Variants in MICALL1 observed in about 807,000 individuals in gnomAD.
The protein encoded by MICALL1 is MICAL like 1.
Under a neutral mutation model 83.7 loss-of-function variants are expected in MICALL1, and 61 were observed. That is an observed-to-expected ratio of 0.73 (90% CI 0.59 to 0.90). MICALL1 has a LOEUF of 0.90. MICALL1 is among the 40% of genes least tolerant of loss of function. The pLI, the probability that MICALL1 is intolerant of heterozygous loss-of-function variation, is 0.00. For synonymous variants in MICALL1, 481 were observed against 473.6 expected, an observed-to-expected ratio of 1.02 and a Z score of -0.20; for missense variants, 1,066 against 1,152.0, an observed-to-expected ratio of 0.93 and a Z score of 1.08.
At chr22:37,928,149 G>T (rs891570933) in intron 9 of MICALL1, among the ~76,000 whole-genome samples, 6 of 148,042 alleles carry the variant, frequency 4.1e-5, no homozygotes, top group African/African-American at 1.5e-4. Flanking sequence ...CTCGTGATCC[G>T]CCTGCCTCAG....
intron 3 of MICALL1, among the ~76,000 whole-genome samples, chr22:37,916,512 G>A (rs1025975703): frequency 2.6e-5 from 4 of 152,204 alleles, no homozygotes; most frequent in Non-Finnish European, 5.9e-5. Context: ...TACTTTCTGG[G>A]CGAGTGGAGG....
At chr22:37,913,195 C>T (rs1355368079) in intron 3 of MICALL1, among the ~76,000 whole-genome samples, 1 of 151,870 alleles carries the variant, frequency 6.6e-6, no homozygotes, top group Non-Finnish European at 1.5e-5. Flanking sequence ...AACTCCTGAC[C>T]TCAGGTGATC....
chr22:37,939,899 G>A (rs1930341928), intron 15 of MICALL1, among the ~76,000 whole-genome samples: 3 of 151,966 alleles, frequency 2.0e-5, no homozygotes, highest in Admixed American at 2.0e-4. Flanking sequence ...GATCAGCCTG[G>A]CCCAACATGG....
intron 13 of MICALL1, among the ~76,000 whole-genome samples, chr22:37,935,712 T>C (rs1930080918): frequency 6.8e-6 from 1 of 145,994 alleles, no homozygotes; most frequent in African/African-American, 2.6e-5. Context: ...ACCACCACGC[T>C]TGGCTAAGGA....
At chr22:37,927,867 T>C in intron 9 of MICALL1, 41 bp downstream of exon 9, 2 of 1,542,846 alleles carry the variant, frequency 1.3e-6, no homozygotes, top group Non-Finnish European at 1.8e-6. Flanking sequence ...ACATCCTCTC[T>C]AGTGGATGCG....
intron 1 of MICALL1, among the ~76,000 whole-genome samples, chr22:37,908,356 A>G (rs894712866): frequency 2.0e-5 from 3 of 151,164 alleles, no homozygotes; most frequent in African/African-American, 7.3e-5. Flanking sequence ...GCTGGAGTGC[A>G]GTGGCACAGT....
rs943664165 is a variant in MICALL1, at chr22:37,940,930, G to A, written c.*100G>A. 4.7e-6 allele frequency: 7 copies of A among 1,478,024 alleles called. No homozygotes were observed. The highest frequency in any genetic ancestry group is 4.2e-5 in the African/African-American group (3 of 71,672). 91.6% of individuals were successfully genotyped at this position (1,478,024 alleles called of 1,614,324 possible). ...CCTGCTCCCCTCAGATCAGTCAGGAGGAAGATGACTAAGGGGAGGGATCCT... is the reference window on the plus strand; with the variant it reads ...CCTGCTCCCCTCAGATCAGTCAGGAAGAAGATGACTAAGGGGAGGGATCCT... On this transcript the variant is annotated 3_prime_UTR_variant, in exon 16 of 16. Transcript: ENST00000215957.
rs1454368296 is a variant in MICALL1, at chr22:37,932,606, C to T, written c.2070C>T (p.Thr690=). ...AGGACATCCATGGAGAGATGGATAC[C>T]ATTGAGCGCCGGCTGGATGCCCTGG... ...PEEDIHGEMD[T]IERRLDALEH... The change falls in exon 11 of 16, where the codon ACC becomes ACT. Residue 690 remains threonine (T), a synonymous_variant. Coordinates refer to ENST00000215957, the MANE Select transcript of MICALL1 (RefSeq NM_033386.4). This position sits in a 1 kb window ranked among gnomAD's most constrained non-coding sequence, Gnocchi z 4.4. 4 of 1,614,160 alleles carry T rather than the reference C, an allele frequency of 2.5e-6. No individual in the cohort carries two copies. The highest frequency in any genetic ancestry group is 1.6e-4 in the Middle Eastern group (1 of 6,062).
At chr22:37,925,556 G>A (rs752867119) in intron 7 of MICALL1, 105 bp from the exon 8 acceptor site, 96 of 728,214 alleles carry the variant, frequency 1.3e-4, no homozygotes, top group Non-Finnish European at 2.0e-4. Flanking sequence ...GGAAACAGCC[G>A]TTTCTCATCC....
chr22:37,919,635 CAAAAAAAAAAAAA>C (rs34083064), intron 5 of MICALL1, among the ~76,000 whole-genome samples: 2 of 59,706 alleles, frequency 3.3e-5, no homozygotes, highest in Non-Finnish European at 6.2e-5. Context: ...GACTCTGTCT[CAAAAAAAAAAAAA>C]AAAAAAAGGC....
rs1308507377 is a variant in MICALL1, at chr22:37,932,955, C to G, written c.2234+67C>G. On this transcript the variant is annotated intron_variant, in intron 12 of 15. Transcript: ENST00000215957. This position sits in a 1 kb window ranked among gnomAD's most constrained non-coding sequence, Gnocchi z 4.4. ...GAGCTTAGAATGGAGAACCCTTACC[C>G]TCTTCCCTCATCAGTAACAGCGCAG... 1.2e-6 allele frequency: 2 copies of G among 1,612,000 alleles called. No individual in the cohort carries two copies. The highest frequency in any genetic ancestry group is 4.5e-5 in the East Asian group (2 of 44,844).
At chr22:37,936,954 G>A (rs1178504076) in intron 13 of MICALL1, 126 bp from the exon 14 acceptor site, 27 of 701,398 alleles carry the variant, frequency 3.8e-5, no homozygotes, top group Middle Eastern at 3.1e-4. Flanking sequence ...TCCTTTCTGC[G>A]CTTAGTTTCT....
chr22:37,924,571 T>G lies in MICALL1; in HGVS notation c.1025-89T>G. The stretch of plus-strand genomic sequence containing the variant: ...GGGTGCCAGGAGGAAGGCGGGGCGC[T>G]CCTGGGGAGGCAGGTGCTGTGGCTG... On this transcript the variant is annotated intron_variant, in intron 6 of 15. Coordinates refer to ENST00000215957, the MANE Select transcript of MICALL1 (RefSeq NM_033386.4). The surrounding 1 kb of genome is among the most constrained non-coding windows in gnomAD (Gnocchi z 5.2). 7.4e-7 allele frequency: 1 copy of G among 1,345,964 alleles called. No homozygotes were observed. Among genetic ancestry groups the G allele is most frequent in the Non-Finnish European group, 1.0e-6 (1 of 959,114 alleles). 83.4% of individuals were successfully genotyped at this position (1,345,964 alleles called of 1,614,324 possible).
Position 37,917,799 on chromosome 22 carries a change from G to A in MICALL1, c.426+4G>A. On this transcript the variant is annotated splice_donor_region_variant and intron_variant, in intron 4 of 15. Transcript: ENST00000215957. ...GGAACCAGAAGATGTGGCTCAGGTA[G>A]GCAGATACCTGGAGAGGTGGGAGGG... 1 of 1,613,258 alleles carries A rather than the reference G, an allele frequency of 6.2e-7. No homozygotes were observed. The highest frequency in any genetic ancestry group is 8.5e-7 in the Non-Finnish European group (1 of 1,179,414).
rs1445316894 is a variant in MICALL1, at chr22:37,925,945, C to T, written c.1367C>T (p.Thr456Ile). The change falls in exon 8 of 16, where the codon ACA becomes ATA. Residue 456 changes from threonine to isoleucine, a missense_variant. Transcript: ENST00000215957. ...TSPALGHPES[T>I]PKSLHPWYGI... ...CCTGCCCTGGGCCACCCGGAGTCCA[C>T]ACCCAAGTCCCTGCACCCCTGGTAC... 2.5e-6 allele frequency: 4 copies of T among 1,613,568 alleles called. No individual in the cohort carries two copies. The highest frequency in any genetic ancestry group is 2.2e-5 in the South Asian group (2 of 91,052).
Position 37,931,685 on chromosome 22 carries a change from G to T in MICALL1, c.1882-114G>T, listed in dbSNP as rs548468285. On this transcript the variant is annotated intron_variant, in intron 9 of 15. Coordinates refer to ENST00000215957, the MANE Select transcript of MICALL1 (RefSeq NM_033386.4). ...TCAAGGAGACTGTCTCTTTGCCTGG[G>T]TCCTGCTGGCCCTGGAGTGCTGGCC... is the stretch of plus-strand genomic sequence containing the variant. The T allele has an allele frequency of 9.5e-6, 12 of 1,266,310 alleles. No individual in the cohort carries two copies. The Admixed American group carries it at 2.5e-4, about 27-fold the overall frequency. The allele number at this position is 1,266,310 out of a possible 1,614,324, so 78.4% of individuals were successfully genotyped here.
rs767394714 is a variant in MICALL1, at chr22:37,917,749, C to G, written c.380C>G (p.Pro127Arg). 6.2e-7 allele frequency: 1 copy of G among 1,613,920 alleles called. No homozygotes were observed. The highest frequency in any genetic ancestry group is 8.5e-7 in the Non-Finnish European group (1 of 1,179,892). Residue 127 changes from proline (P) to arginine (R), a missense_variant, in exon 4 of 16, where the codon CCG (proline) becomes CGG (arginine). Pro to Arg is a moderately radical substitution (Grantham distance 103). Coordinates refer to ENST00000215957, the MANE Select transcript of MICALL1 (RefSeq NM_033386.4). Reference protein sequence around the residue: ...PPRKGLAPCSPPSVAPTPVEP... With the variant: ...PPRKGLAPCSRPSVAPTPVEP... ...AGAAAGGGCCTTGCACCCTGTTCCC[C>G]GCCGTCTGTAGCACCCACTCCAGTG...
intron 1 of MICALL1, among the ~76,000 whole-genome samples, chr22:37,910,474 G>A (rs896460926): frequency 6.6e-6 from 1 of 152,148 alleles, no homozygotes; most frequent in South Asian, 2.1e-4. Flanking sequence ...AACCGGACCG[G>A]GAGACAGAGG....
rs184828751 is a variant in MICALL1 at position 37,932,356 on chromosome 22, G to A, written c.2017-197G>A. Among the ~76,000 whole-genome samples the A allele has an allele frequency of 3.0e-4, 46 of 152,320 alleles. 1 individual carries two copies. In the East Asian group the frequency reaches 3.9e-3, roughly 13 times the overall value. Reference sequence around the variant, plus strand: ...ACCTTCTGGAGTGTCTGTTGGTGCTGGGACCAGTGGCATGCAGGGTTGTGG... The same window carrying A: ...ACCTTCTGGAGTGTCTGTTGGTGCTAGGACCAGTGGCATGCAGGGTTGTGG... On this transcript the variant is annotated intron_variant, in intron 10 of 15. Transcript: ENST00000215957. This position sits in a 1 kb window ranked among gnomAD's most constrained non-coding sequence, Gnocchi z 4.4.
Sources: allele counts gnomAD v4.1 joint callset (sites outside exome capture counted in the v4.1 genomes callset), GRCh38; gene constraint gnomAD v4.1.1; non-coding constraint Gnocchi (gnomAD v3.1); transcripts MANE v1.5; gene names NCBI Gene and HGNC (gene_info 2026-07-23, HGNC 2026-07-21).